PLAAT1: variants seen among roughly 807,000 people sequenced by gnomAD.
PLAAT1 encodes H-REV107 protein-related protein.
PLAAT1 carries 13 observed loss-of-function variants against 16.4 expected under a neutral mutation model. The observed-to-expected ratio is 0.79, with a 90% CI of 0.52 to 1.26. The LOEUF (loss-of-function observed/expected upper bound fraction) is 1.26. Among genes scored for constraint, PLAAT1 ranks in the 50% most tolerant of loss-of-function variants. The pLI is 0.00. For missense variants in PLAAT1, 218 were observed against 207.8 expected (o/e 1.05, Z -0.30); for synonymous variants, 73 against 78.4 (o/e 0.93, Z 0.36).
At chr3:193,255,250 ACT>A (rs1716331887) in intron 1 of PLAAT1, among the ~76,000 whole-genome samples, 1 of 152,154 alleles carries the variant, frequency 6.6e-6, no homozygotes, top group African/African-American at 2.4e-5. Flanking sequence ...TTATATGTTT[ACT>A]TTCCTATTTC....
downstream of PLAAT1, chr3:193,277,773 C>T (rs559862395): frequency 6.6e-6 from 1 of 152,188 alleles, no homozygotes; most frequent in South Asian, 2.1e-4. Flanking sequence ...CCACTCCAAT[C>T]CAGAACTAAC....
chr3:193,266,459 A>G (rs184502171), intron 3 of PLAAT1, among the ~76,000 whole-genome samples: 3 of 152,308 alleles, frequency 2.0e-5, no homozygotes, highest in Admixed American at 2.0e-4. Flanking sequence ...CCCATGAAAA[A>G]TTAATTTTTC....
downstream of PLAAT1, chr3:193,281,254 TG>T: frequency 1.0e-6 from 1 of 978,666 alleles, no homozygotes. Context: ...TCTGTTCTGA[TG>T]AAGTCCTAGA....
At chr3:193,266,832 A>G (rs1025696892) in intron 3 of PLAAT1, among the ~76,000 whole-genome samples, 4 of 148,744 alleles carry the variant, frequency 2.7e-5, no homozygotes, top group Non-Finnish European at 6.1e-5. Context: ...TATTACTATC[A>G]ATAACTAATA....
intron 1 of PLAAT1, among the ~76,000 whole-genome samples, chr3:193,253,494 T>A (rs1716267001): frequency 6.6e-6 from 1 of 152,198 alleles, no homozygotes. Context: ...ACAGGGCATT[T>A]GCAACAGTTT....
intron 2 of PLAAT1, among the ~76,000 whole-genome samples, chr3:193,260,748 G>A (rs955431373): frequency 1.3e-5 from 2 of 152,080 alleles, no homozygotes; most frequent in African/African-American, 2.4e-5. Flanking sequence ...ACTGTTGGTG[G>A]GAATGTAAAT....
intron 3 of PLAAT1, 117 bp from the exon 4 acceptor site, chr3:193,270,487 G>T: frequency 1.4e-6 from 1 of 704,508 alleles, no homozygotes; most frequent in Non-Finnish European, 2.2e-6. Flanking sequence ...TACTTTAGAT[G>T]TATCCATTGT....
At chr3:193,258,839 G>A (rs929292174) in intron 2 of PLAAT1, among the ~76,000 whole-genome samples, 1 of 152,050 alleles carries the variant, frequency 6.6e-6, no homozygotes. Context: ...ACAAAGAACT[G>A]GTACCAATCC....
intron 3 of PLAAT1, among the ~76,000 whole-genome samples, chr3:193,268,371 A>G (rs1438906371): frequency 6.6e-6 from 1 of 152,182 alleles, no homozygotes; most frequent in Non-Finnish European, 1.5e-5. Context: ...ACTGCTGTCT[A>G]GACACAGCCA....
At chr3:193,241,174 C>G (rs549530512), upstream of PLAAT1, 482 of 1,209,844 alleles carry the variant, frequency 4.0e-4, 2 homozygotes, top group African/African-American at 5.5e-3. Flanking sequence ...GAGGTCTAGC[C>G]GGAGCGACTG....
At chr3:193,259,645 A>G (rs1716511452) in intron 2 of PLAAT1, among the ~76,000 whole-genome samples, 2 of 152,206 alleles carry the variant, frequency 1.3e-5, no homozygotes, top group Admixed American at 6.5e-5. Context: ...AATAAATAAA[A>G]TACCTAGGAA....
At chr3:193,265,829 A>G (rs146469683) in intron 3 of PLAAT1, among the ~76,000 whole-genome samples, 1 of 152,340 alleles carries the variant, frequency 6.6e-6, no homozygotes, top group East Asian at 1.9e-4. Flanking sequence ...GGTACACACA[A>G]ATTCCTGCTC....
intron 1 of PLAAT1, among the ~76,000 whole-genome samples, chr3:193,249,189 C>G (rs1716099236): frequency 6.6e-6 from 1 of 151,980 alleles, no homozygotes; most frequent in African/African-American, 2.4e-5. Context: ...ATGGGGGTCC[C>G]CTTTTATGTA....
At chr3:193,259,115 A>T (rs1044435310) in intron 2 of PLAAT1, among the ~76,000 whole-genome samples, 4 of 152,210 alleles carry the variant, frequency 2.6e-5, no homozygotes, top group African/African-American at 9.6e-5. Flanking sequence ...CATAAATATG[A>T]TTCACCACAT....
At chr3:193,275,969 TAAAC>T (rs751223254) in intron 2 of PLAAT1, among the ~76,000 whole-genome samples, 2 of 152,290 alleles carry the variant, frequency 1.3e-5, no homozygotes, top group East Asian at 3.9e-4. Context: ...TATAGCTATT[TAAAC>T]AAACAGCATC....
chr3:193,256,702 G>T (rs1716389442), intron 2 of PLAAT1, among the ~76,000 whole-genome samples: 2 of 152,110 alleles, frequency 1.3e-5, no homozygotes, highest in Non-Finnish European at 2.9e-5. Context: ...AAATTGATAA[G>T]GGCTAGGACC....
downstream of PLAAT1, among the ~76,000 whole-genome samples, chr3:193,277,963 C>G (rs561880275): frequency 6.6e-6 from 1 of 152,266 alleles, no homozygotes; most frequent in Non-Finnish European, 1.5e-5. Context: ...GCCACGACAC[C>G]CAGCTAATTT....
chr3:193,244,870 A>C (rs531149203), intron 1 of PLAAT1, among the ~76,000 whole-genome samples: 1 of 152,270 alleles, frequency 6.6e-6, no homozygotes, highest in Admixed American at 6.5e-5. Context: ...GTAATCCATG[A>C]ATAGATTAAT....
chr3:193,276,777 G>GGT, intron 2 of PLAAT1: 1 of 1,612,980 alleles, frequency 6.2e-7, no homozygotes. Flanking sequence ...CACAGAATTG[G>GGT]GTGAGGGCTA....
Sources: gnomAD v4.1 joint callset for allele counts (sites outside exome capture counted in the v4.1 genomes callset) on GRCh38, gnomAD v4.1.1 for gene constraint, MANE v1.5 for transcripts, NCBI Gene and HGNC (gene_info 2026-07-23, HGNC 2026-07-21) for gene names.